The following RNF6 variants were observed in gnomAD, a reference collection of about 807,000 sequenced individuals.
RNF6 encodes E3 ubiquitin-protein ligase RNF6.
Under a neutral mutation model 50.1 loss-of-function variants are expected in RNF6, and 21 were observed. That is an observed-to-expected ratio of 0.42 (90% CI 0.30 to 0.60). The LOEUF (loss-of-function observed/expected upper bound fraction) is 0.60. Among genes scored for constraint, RNF6 ranks in the 20% least tolerant of loss-of-function variants. RNF6 has a pLI of 0.20. For missense variants in RNF6, 698 were observed against 838.2 expected, an observed-to-expected ratio of 0.83 and a Z score of 2.07; for synonymous variants, 255 against 291.8, an observed-to-expected ratio of 0.87 and a Z score of 1.29.
At chr13:26,142,082 AC>A (rs1870985314) in intron 5 of RNF6, among the ~76,000 whole-genome samples, 1 of 152,182 alleles carries the variant, frequency 6.6e-6, no homozygotes, top group African/African-American at 2.4e-5. Context: ...ATGAACAGAC[AC>A]TTCTCAAAAG....
At chr13:26,215,746 GA>G (rs1442875070) in intron 4 of RNF6, among the ~76,000 whole-genome samples, 154 bp from the exon 5 acceptor site, 1 of 152,148 alleles carries the variant, frequency 6.6e-6, no homozygotes, top group Admixed American at 6.5e-5. Context: ...CTTTCTAAAA[GA>G]AAAGTATATC....
intron 5 of RNF6, among the ~76,000 whole-genome samples, chr13:26,185,401 CTT>C (rs1481212044): frequency 2.0e-5 from 3 of 152,012 alleles, no homozygotes; most frequent in Non-Finnish European, 4.4e-5. Context: ...ATTTTTATAA[CTT>C]ATAAATAAAT....
intron 5 of RNF6, among the ~76,000 whole-genome samples, chr13:26,161,178 G>A (rs1052642649): frequency 2.6e-5 from 4 of 152,038 alleles, no homozygotes; most frequent in Non-Finnish European, 5.9e-5. Context: ...TTTGTCCCAC[G>A]GACCTGTTTG....
chr13:26,189,640 C>T (rs1323495630), intron 5 of RNF6, among the ~76,000 whole-genome samples: 3 of 152,216 alleles, frequency 2.0e-5, no homozygotes, highest in Admixed American at 1.3e-4. Flanking sequence ...AGTGATTTAG[C>T]TTCATCCTCA....
At chr13:26,187,644 C>T (rs972186407) in intron 5 of RNF6, among the ~76,000 whole-genome samples, 1 of 152,196 alleles carries the variant, frequency 6.6e-6, no homozygotes, top group African/African-American at 2.4e-5. Context: ...TATTGCCAAT[C>T]AGTGGCAAAG....
intron 5 of RNF6, among the ~76,000 whole-genome samples, chr13:26,155,124 C>T (rs372691967): frequency 6.6e-6 from 1 of 151,964 alleles, no homozygotes; most frequent in Admixed American, 6.6e-5. Context: ...CCTTCTCTCT[C>T]TCATAGGTAT....
intron 5 of RNF6, among the ~76,000 whole-genome samples, chr13:26,170,254 C>G (rs1460794466): frequency 6.8e-6 from 1 of 147,866 alleles, no homozygotes; most frequent in African/African-American, 2.5e-5. Flanking sequence ...AAAAAAAAAG[C>G]TTTGAAGAGT....
At chr13:26,204,761 A>G (rs1351130615) in intron 5 of RNF6, among the ~76,000 whole-genome samples, 1 of 152,174 alleles carries the variant, frequency 6.6e-6, no homozygotes, top group African/African-American at 2.4e-5. Flanking sequence ...AAATATGACT[A>G]TTCATCTAAT....
intron 5 of RNF6, among the ~76,000 whole-genome samples, chr13:26,181,191 G>A (rs995519188): frequency 2.0e-5 from 3 of 152,204 alleles, no homozygotes; most frequent in African/African-American, 7.2e-5. Flanking sequence ...AGGAAAAGCA[G>A]CACCAGGGAA....
chr13:26,161,799 C>G (rs369129482), intron 5 of RNF6, among the ~76,000 whole-genome samples: 1 of 152,134 alleles, frequency 6.6e-6, no homozygotes, highest in Non-Finnish European at 1.5e-5. Context: ...TTCACCTCAA[C>G]GCACTCTTCC....
intron 5 of RNF6, among the ~76,000 whole-genome samples, chr13:26,170,958 T>C (rs1872673057): frequency 6.6e-6 from 1 of 152,124 alleles, no homozygotes; most frequent in Non-Finnish European, 1.5e-5. Context: ...ACTATCAAAG[T>C]ATTGGAAGAC....
intron 5 of RNF6, among the ~76,000 whole-genome samples, chr13:26,167,155 A>G (rs1361646432): frequency 1.3e-5 from 2 of 152,236 alleles, no homozygotes; most frequent in African/African-American, 4.8e-5. Flanking sequence ...CAAAGATTTC[A>G]TGATGAAGAT....
At chr13:26,132,231 G>A (rs1870425165) in exon 6 of RNF6, 1 of 289,900 alleles carries the variant, frequency 3.4e-6, no homozygotes, top group South Asian at 3.5e-5. Context: ...CAAGTACAAT[G>A]TTTTAAAATG....
intron 5 of RNF6, among the ~76,000 whole-genome samples, chr13:26,173,837 G>C (rs1484975137): frequency 3.3e-5 from 5 of 151,432 alleles, no homozygotes; most frequent in Admixed American, 1.3e-4. Flanking sequence ...TGTAATCCTA[G>C]CTACTCGGGA....
At position 26,195,410 on chromosome 13, in the gene RNF6, A is replaced by G. The variant is rs1868622315; in HGVS notation, n.768+20064T>C. 3.9e-5 allele frequency among the ~76,000 whole-genome samples: 6 copies of G among 152,202 alleles called. No individual in the cohort carries two copies. In the South Asian group the frequency reaches 1.2e-3, roughly 31 times the overall value. On this transcript the variant is annotated intron_variant and non_coding_transcript_variant, in intron 5 of 5. Coordinates refer to the RNF6 transcript ENST00000468480. ...TTCAAGGACTATGAGACAATTATGA[A>G]GGTGTAACACACATATAATAGGAAT...
chr13:26,176,661 A>G (rs1872970157), intron 5 of RNF6, among the ~76,000 whole-genome samples: 1 of 152,354 alleles, frequency 6.6e-6, no homozygotes, highest in South Asian at 2.1e-4. Flanking sequence ...GGCTGGGCAC[A>G]GTGGCTCACG....
In RNF6 at chr13:26,214,443, A is replaced by G. The variant is rs771595314; in HGVS notation, c.1439T>C (p.Leu480Pro). The G allele has an allele frequency of 1.2e-6, 2 of 1,614,192 alleles. No homozygotes were observed. The highest frequency in any genetic ancestry group is 1.7e-5 in the Admixed American group (1 of 60,032). The change falls in exon 5 of 5, where the codon CTT becomes CCT. Residue 480 changes from leucine to proline, a missense_variant. Transcript: ENST00000381588. Reference sequence around the variant, plus strand: ...CATGATCTGCCTTAAAATTGACCGAAGAGCCACTGATGATGGCTCAACAAG... The same window carrying G: ...CATGATCTGCCTTAAAATTGACCGAGGAGCCACTGATGATGGCTCAACAAG... Reference protein sequence around the residue: ...NELVEPSSVALRSILRQIMTG... With the variant: ...NELVEPSSVAPRSILRQIMTG...
At chr13:26,172,790 A>G (rs1197516102) in intron 5 of RNF6, among the ~76,000 whole-genome samples, 1 of 151,990 alleles carries the variant, frequency 6.6e-6, no homozygotes, top group African/African-American at 2.4e-5. Flanking sequence ...TGATCCGCCC[A>G]CCTCGGCCTC....
At chr13:26,194,667 A>G (rs1868588385) in intron 5 of RNF6, among the ~76,000 whole-genome samples, 1 of 152,152 alleles carries the variant, frequency 6.6e-6, no homozygotes, top group African/African-American at 2.4e-5. Flanking sequence ...TTTATTAAGT[A>G]TTAACTCACA....
Sources: allele counts gnomAD v4.1 joint callset (sites outside exome capture counted in the v4.1 genomes callset), GRCh38; gene constraint gnomAD v4.1.1; transcripts MANE v1.5; gene names NCBI Gene and HGNC (gene_info 2026-07-23, HGNC 2026-07-21).